The following HK3 variants were observed in gnomAD, a reference collection of about 807,000 sequenced individuals.
The protein encoded by HK3 is hexokinase-3.
Under a neutral mutation model 91.0 loss-of-function variants are expected in HK3, and 93 were observed. The ratio of observed to expected loss-of-function variants is 1.02; its 90% CI spans 0.86 to 1.21. HK3 has a LOEUF of 1.21. HK3 is among the 50% of genes most tolerant of loss of function. The pLI, the probability that HK3 is intolerant of heterozygous loss-of-function variation, is 0.00. For synonymous variants in HK3, 519 were observed against 516.9 expected (o/e 1.00, Z -0.06); for missense variants, 1,235 against 1,247.4 (o/e 0.99, Z 0.15).
chr5:176,896,168 A>G lies in HK3; in HGVS notation c.-9T>C. 1 of 1,594,248 alleles carries G rather than the reference A, an allele frequency of 6.3e-7. No homozygotes were observed. The highest frequency in any genetic ancestry group is 8.5e-7 in the Non-Finnish European group (1 of 1,170,122). ...GACCCAATGGAGTCCATGAGCTTCC[A>G]CAGTGGAAGGTGGCCACCTATGGGA... On this transcript the variant is annotated 5_prime_UTR_variant, in exon 2 of 19. Coordinates refer to ENST00000292432, the MANE Select transcript of HK3 (RefSeq NM_002115.3).
At chr5:176,890,019 G>A (rs1240578031) in intron 6 of HK3, among the ~76,000 whole-genome samples, 1 of 152,094 alleles carries the variant, frequency 6.6e-6, no homozygotes, top group Non-Finnish European at 1.5e-5. Context: ...GGACCAGGAT[G>A]AGTTTCCTGA....
chr5:176,888,468 C>T lies in HK3; in HGVS notation c.1168G>A (p.Ala390Thr), dbSNP rs143478508. Residue 390 changes from alanine (A) to threonine (T), a missense_variant, in exon 10 of 19, where the codon GCC becomes ACC. Physicochemically the swap from Ala to Thr is moderately conservative, Grantham distance 58 (BLOSUM62 0). Coordinates refer to ENST00000292432, the MANE Select transcript of HK3 (RefSeq NM_002115.3). ...AGCTGGGCAGCCCGCGTGCACACGG[C>T]CGCACAGACGTGCTGCACAAGCTCA... Reference protein sequence around the residue: ...DVELVQHVCAAVCTRAAQLCA... With the variant: ...DVELVQHVCATVCTRAAQLCA... 3.8e-5 allele frequency: 59 copies of T among 1,553,870 alleles called. No individual in the cohort carries two copies. The highest frequency in any genetic ancestry group is 1.9e-4 in the East Asian group (8 of 41,164).
Position 176,888,538 on chromosome 5 carries a change from A to G in HK3, c.1098T>C (p.His366=). The change falls in exon 10 of 19, where the codon CAT becomes CAC. Residue 366 remains histidine, a synonymous_variant. Transcript: ENST00000292432. Reference sequence around the variant, plus strand: ...TCAGGCCCAAGTCCTGCAGGATAGCATGGACACGGGCTGCCCCAGTAGAGG... The same window carrying G: ...TCAGGCCCAAGTCCTGCAGGATAGCGTGGACACGGGCTGCCCCAGTAGAGG... The part of the protein sequence containing the change: ...EDPSTGAARV[H]AILQDLGLSP... The G allele has an allele frequency of 6.4e-7, 1 of 1,558,926 alleles. No individual in the cohort carries two copies. The highest frequency in any genetic ancestry group is 8.7e-7 in the Non-Finnish European group (1 of 1,150,570).
rs535338163 is a variant in HK3 at position 176,881,021 on chromosome 5, G to C, written c.*52C>G. ...CCTGGCTGGGAAACAGGCAGACCCC[G>C]ACCCGGCTCCAGCAAGGCTGCGGCG... On this transcript the variant is annotated 3_prime_UTR_variant, in exon 19 of 19. Coordinates refer to ENST00000292432, the MANE Select transcript of HK3 (RefSeq NM_002115.3). 3 of 1,534,824 alleles carry C rather than the reference G, an allele frequency of 2.0e-6. No individual in the cohort carries two copies. Among genetic ancestry groups the C allele is most frequent in the Non-Finnish European group, 2.6e-6 (3 of 1,142,584 alleles).
At chr5:176,898,820 G>A (rs1758970294) in intron 1 of HK3, among the ~76,000 whole-genome samples, 1 of 152,204 alleles carries the variant, frequency 6.6e-6, no homozygotes. Context: ...CTCTACTGAT[G>A]TTGGGAGCTG....
At chr5:176,889,092 A>G (rs1021260044) in intron 8 of HK3, among the ~76,000 whole-genome samples, 3 of 152,226 alleles carry the variant, frequency 2.0e-5, no homozygotes, top group African/African-American at 7.2e-5. Context: ...AGAAGGACCC[A>G]AAGGAAGGCA....
chr5:176,882,099 C>CA lies in HK3; in HGVS notation c.2081_2082insT (p.Glu694AspfsTer39). 6.2e-7 allele frequency: 1 copy of CA among 1,613,134 alleles called. No homozygotes were observed. Among genetic ancestry groups the CA allele is most frequent in the Non-Finnish European group, 8.5e-7 (1 of 1,180,032 alleles). ...GCACGCCCGCCACATTCCGGAGCTC[C>CA]TCCATGTAGCAGGCATTGGTGCCGG... On this transcript the variant is annotated frameshift_variant, in exon 16 of 19. Transcript: ENST00000292432. LOFTEE classifies it high-confidence loss of function.
rs1219514315 is a variant in HK3 at position 176,884,361 on chromosome 5, T to C, written c.1858-227A>G. Among the ~76,000 whole-genome samples the C allele has an allele frequency of 6.6e-6, 1 of 152,216 alleles. No individual in the cohort carries two copies. The highest frequency in any genetic ancestry group is 1.5e-5 in the Non-Finnish European group (1 of 68,040). On this transcript the variant is annotated intron_variant, in intron 13 of 18. Transcript: ENST00000292432. The surrounding 1 kb of genome is among the most constrained non-coding windows in gnomAD (Gnocchi z 4.1). ...ATTAATAACCATCTAACCTACATTT[T>C]CCATTATTAGTTCCAGACAGTCAGA...
rs745603743 is a variant in HK3 at position 176,887,087 on chromosome 5, A to AAGTCCACGATGC, written c.1760_1771dup (p.Cys587_Asp590dup). The AAGTCCACGATGC allele has an allele frequency of 6.2e-7, 1 of 1,614,096 alleles. No homozygotes were observed. Among genetic ancestry groups the AAGTCCACGATGC allele is most frequent in the African/African-American group, 1.3e-5 (1 of 74,936 alleles). ...CCCGCTCAGGCCCTGCTTCTGCTGG[A>AAGTCCACGATGC]AGTCCACGATGCAGTCCACGATGTG... On this transcript the variant is annotated inframe_insertion, in exon 13 of 19. Transcript: ENST00000292432. This position sits in a 1 kb window ranked among gnomAD's most constrained non-coding sequence, Gnocchi z 4.9.
At chr5:176,889,855 T>A in intron 6 of HK3, 111 bp from the exon 7 acceptor site, 2 of 803,636 alleles carry the variant, frequency 2.5e-6, no homozygotes, top group Non-Finnish European at 4.2e-6. Context: ...ATAGAGTCCA[T>A]GAAACACATG....
chr5:176,886,797 C>T (rs1758595379), intron 13 of HK3, among the ~76,000 whole-genome samples: 2 of 152,210 alleles, frequency 1.3e-5, no homozygotes, highest in Non-Finnish European at 2.9e-5. Context: ...GCCTGACCTG[C>T]TCCCAAATGG....
rs1758773998 is a variant in HK3, at chr5:176,891,488, G to T, written c.159C>A (p.Ser53Arg). 2 of 1,614,156 alleles carry T rather than the reference G, an allele frequency of 1.2e-6. No individual in the cohort carries two copies. The highest frequency in any genetic ancestry group is 1.7e-6 in the Non-Finnish European group (2 of 1,180,010). ...TRAQLQQIQA[S>R]LLGSMEQALR... Reference sequence around the variant, plus strand: ...GCGCCTGCTCCATGGAACCCAAGAGGCTGGCTTGGATCTGCTGTAGCTGTG... The same window carrying T: ...GCGCCTGCTCCATGGAACCCAAGAGTCTGGCTTGGATCTGCTGTAGCTGTG... Residue 53 changes from serine (S) to arginine (R), a missense_variant, in exon 3 of 19, where the codon AGC becomes AGA. Physicochemically the swap from Ser to Arg is moderately radical, Grantham distance 110. Around this residue, in one of 3 missense-constraint regions of HK3, gnomAD observed 717 missense variants for 751.6 expected, o/e 0.95. Coordinates refer to ENST00000292432, the MANE Select transcript of HK3 (RefSeq NM_002115.3).
At chr5:176,890,142 C>T (rs965514090) in intron 6 of HK3, among the ~76,000 whole-genome samples, 5 of 152,148 alleles carry the variant, frequency 3.3e-5, no homozygotes, top group African/African-American at 7.2e-5. Context: ...TTAGCCCAGA[C>T]GGATCAGCCT....
Position 176,887,523 on chromosome 5 carries a change from T to A in HK3, c.1528A>T (p.Lys510Ter). 1.2e-6 allele frequency: 2 copies of A among 1,613,772 alleles called. No individual in the cohort carries two copies. Among genetic ancestry groups the A allele is most frequent in the Non-Finnish European group, 1.7e-6 (2 of 1,179,976 alleles). The change falls in exon 11 of 19, where the codon AAG becomes TAG. Residue 510 changes from lysine (K) to a stop codon, truncating the protein, a stop_gained. Transcript: ENST00000292432. LOFTEE classifies it high-confidence loss of function. This position sits in a 1 kb window ranked among gnomAD's most constrained non-coding sequence, Gnocchi z 4.9. ...GAGGAGGCCTCCCCTCGGAGCCCCT[T>A]GGCCATGGCCTTCCGCATCTGTGCC... is the stretch of plus-strand genomic sequence containing the variant. ...VQAQMRKAMA[K>*]GLRGEASSLR...
In HK3 at chr5:176,887,537, C is replaced by A. The variant is rs144629628; in HGVS notation, c.1514G>T (p.Arg505Leu). Residue 505 changes from arginine to leucine, a missense_variant, in exon 11 of 19, where the codon CGG (arginine) becomes CTG (leucine). Physicochemically the swap from Arg to Leu is moderately radical, Grantham distance 102. Transcript: ENST00000292432. This position sits in a 1 kb window ranked among gnomAD's most constrained non-coding sequence, Gnocchi z 4.9. Reference protein sequence around the residue: ...DQLAAVQAQMRKAMAKGLRGE... With the variant: ...DQLAAVQAQMLKAMAKGLRGE... ...TCGGAGCCCCTTGGCCATGGCCTTC[C>A]GCATCTGTGCCTGAACCGCAGCCAG... The A allele has an allele frequency of 9.3e-6, 15 of 1,613,682 alleles. No individual in the cohort carries two copies. Among genetic ancestry groups the A allele is most frequent in the Non-Finnish European group, 1.3e-5 (15 of 1,180,006 alleles).
In HK3 at chr5:176,888,554, C is replaced by T; in HGVS notation, c.1082G>A (p.Gly361Glu). Residue 361 changes from glycine to glutamate, a missense_variant, in exon 10 of 19, where the codon GGG (glycine) becomes GAG (glutamate). Physicochemically the swap from Gly to Glu is moderately conservative, Grantham distance 98 (BLOSUM62 -2). Coordinates refer to ENST00000292432, the MANE Select transcript of HK3 (RefSeq NM_002115.3). Reference sequence around the variant, plus strand: ...CAGGATAGCATGGACACGGGCTGCCCCAGTAGAGGGGCTGGAGGGGAAAGG... The same window carrying T: ...CAGGATAGCATGGACACGGGCTGCCTCAGTAGAGGGGCTGGAGGGGAAAGG... The part of the protein sequence containing the change: ...HVAEMEDPST[G>E]AARVHAILQD... The T allele has an allele frequency of 1.3e-6, 2 of 1,564,594 alleles. No homozygotes were observed. The highest frequency in any genetic ancestry group is 2.3e-5 in the South Asian group (2 of 86,168).
intron 10 of HK3, among the ~76,000 whole-genome samples, chr5:176,888,116 G>A (rs374908668): frequency 5.3e-5 from 8 of 152,030 alleles, no homozygotes; most frequent in African/African-American, 9.7e-5. Flanking sequence ...ATACGCCCCC[G>A]TGTCGCCATG....
intron 15 of HK3, among the ~76,000 whole-genome samples, chr5:176,883,095 C>T (rs1314498887): frequency 6.6e-6 from 1 of 152,228 alleles, no homozygotes; most frequent in Non-Finnish European, 1.5e-5. Context: ...CGCTGCTGCC[C>T]ACGTGTAGAA....
intron 2 of HK3, among the ~76,000 whole-genome samples, chr5:176,892,238 G>A (rs923739206): frequency 2.6e-5 from 4 of 152,196 alleles, no homozygotes; most frequent in Non-Finnish European, 5.9e-5. Context: ...GCTATTAAAC[G>A]TAGGGGGGCA....
Sources: allele counts gnomAD v4.1 joint callset (sites outside exome capture counted in the v4.1 genomes callset), GRCh38; gene constraint gnomAD v4.1.1; regional missense constraint gnomAD v4.1.1; non-coding constraint Gnocchi (gnomAD v3.1); transcripts MANE v1.5; gene names NCBI Gene and HGNC (gene_info 2026-07-23, HGNC 2026-07-21).